Variants in ATP11A observed in about 807,000 individuals in gnomAD.
ATP11A encodes phospholipid-transporting ATPase IH.
ATP11A carries 81 observed loss-of-function variants against 154.4 expected under a neutral mutation model. That is an observed-to-expected ratio of 0.52 (90% CI 0.44 to 0.63). The LOEUF (loss-of-function observed/expected upper bound fraction) is 0.63, where lower values mean the gene tolerates loss of function less well. ATP11A is among the 30% of genes least tolerant of loss of function. The probability of loss-of-function intolerance (pLI) is 0.00; values close to 1 mark genes in which losing one functional copy is unlikely to be tolerated. For synonymous variants in ATP11A, 623 were observed against 585.9 expected (o/e 1.06, Z -0.91); for missense variants, 1,316 against 1,474.3 (o/e 0.89, Z 1.76).
At chr13:112,739,264 T>C (rs1387490473) in intron 1 of ATP11A, among the ~76,000 whole-genome samples, 1 of 152,310 alleles carries the variant, frequency 6.6e-6, no homozygotes, top group East Asian at 1.9e-4. Context: ...AAGAACTCTG[T>C]CAACTCATAA....
rs1486319384 is a variant in ATP11A at position 112,690,486 on chromosome 13, CG to C, written c.39+35del. 9 of 1,321,804 alleles carry C rather than the reference CG, an allele frequency of 6.8e-6. No individual in the cohort carries two copies. Among genetic ancestry groups the C allele is most frequent in the South Asian group, 4.7e-5 (2 of 42,932 alleles). The allele number at this position is 1,321,804 out of a possible 1,614,324, so 81.9% of individuals were successfully genotyped here. On this transcript the variant is annotated intron_variant, in intron 1 of 29. Coordinates refer to ENST00000375645, the MANE Select transcript of ATP11A (RefSeq NM_015205.3). This position sits in a 1 kb window ranked among gnomAD's most constrained non-coding sequence, Gnocchi z 5.6. ...TGCTCCCGGCGCGGGCTGGGGGACC[CG>C]GGGACCAGACAGACGCGGGCCGGCC...
intron 2 of ATP11A, among the ~76,000 whole-genome samples, chr13:112,790,033 C>T (rs1189253251): frequency 6.6e-6 from 1 of 151,266 alleles, no homozygotes; most frequent in Non-Finnish European, 1.5e-5. Flanking sequence ...GACCTGTAGA[C>T]CCCTGTGGCG....
chr13:112,718,914 C>T (rs933878700), intron 1 of ATP11A, among the ~76,000 whole-genome samples: 22 of 152,240 alleles, frequency 1.4e-4, no homozygotes, highest in African/African-American at 4.8e-4. Flanking sequence ...GTCTGACCTC[C>T]GGCTATCCAC....
chr13:112,713,822 G>A (rs1039540870), intron 1 of ATP11A, among the ~76,000 whole-genome samples: 38 of 151,886 alleles, frequency 2.5e-4, no homozygotes, highest in African/African-American at 9.0e-4. Flanking sequence ...CTGTCAGGAC[G>A]CAGGCAGGCA....
chr13:112,774,026 C>A (rs1488746399), intron 1 of ATP11A, among the ~76,000 whole-genome samples: 6 of 152,236 alleles, frequency 3.9e-5, no homozygotes. Flanking sequence ...CCCGCTGCCT[C>A]CCTGCTTCCC....
intron 29 of ATP11A, chr13:112,881,263 C>T (rs1026434647): frequency 7.1e-6 from 7 of 992,834 alleles, no homozygotes; most frequent in African/African-American, 1.7e-5. Flanking sequence ...CGTGCACATC[C>T]GGGGCCCCAG....
At chr13:112,738,628 C>T (rs1594483774) in intron 1 of ATP11A, among the ~76,000 whole-genome samples, 1 of 152,292 alleles carries the variant, frequency 6.6e-6, no homozygotes, top group South Asian at 2.1e-4. Flanking sequence ...CAAGCAGGAG[C>T]TTTCTGTGCT....
At chr13:112,781,549 C>T (rs2077499567) in intron 1 of ATP11A, among the ~76,000 whole-genome samples, 2 of 152,060 alleles carry the variant, frequency 1.3e-5, no homozygotes, top group Admixed American at 6.6e-5. Context: ...TTGACGGACG[C>T]GTGGTGTGAG....
chr13:112,705,387 G>GAGGGAAAC (rs1566355740), intron 1 of ATP11A, among the ~76,000 whole-genome samples: 10 of 152,140 alleles, frequency 6.6e-5, no homozygotes, highest in African/African-American at 2.4e-4. Context: ...GGGGTGCTCA[G>GAGGGAAAC]CAGTTGATGT....
chr13:112,880,579 G>A (rs755233305), intron 29 of ATP11A: 24 of 1,300,296 alleles, frequency 1.8e-5, no homozygotes, highest in South Asian at 8.6e-5. Flanking sequence ...AGTCCAGGCC[G>A]CACAGAGCAG....
intron 1 of ATP11A, among the ~76,000 whole-genome samples, chr13:112,735,809 A>G (rs1890940090): frequency 6.6e-6 from 1 of 152,232 alleles, no homozygotes; most frequent in African/African-American, 2.4e-5. Flanking sequence ...AAAGTTAAGC[A>G]GCGCACCAAA....
At chr13:112,842,936 G>T (rs561475953) in intron 17 of ATP11A, among the ~76,000 whole-genome samples, 1 of 152,368 alleles carries the variant, frequency 6.6e-6, no homozygotes, top group African/African-American at 2.4e-5. Flanking sequence ...GGGCTGCTGC[G>T]GTAGGGGGCC....
chr13:112,821,943 A>G (rs2078807181), intron 8 of ATP11A, among the ~76,000 whole-genome samples: 1 of 152,192 alleles, frequency 6.6e-6, no homozygotes. Context: ...CTCCATCTTT[A>G]GTGATTGCCG....
chr13:112,828,267 C>T (rs1313742652), intron 12 of ATP11A, among the ~76,000 whole-genome samples: 1 of 132,326 alleles, frequency 7.6e-6, no homozygotes, highest in Non-Finnish European at 1.5e-5. Context: ...GAGGAAAGCA[C>T]CCAGCAGTGT....
At chr13:112,873,447 G>A in intron 26 of ATP11A, 126 bp from the exon 27 acceptor site, 2 of 647,978 alleles carry the variant, frequency 3.1e-6, no homozygotes, top group Middle Eastern at 2.6e-4. Context: ...CAGGCATTGA[G>A]TCGTCATTGC....
At chr13:112,705,638 C>A (rs555274101) in intron 1 of ATP11A, among the ~76,000 whole-genome samples, 2 of 152,318 alleles carry the variant, frequency 1.3e-5, no homozygotes, top group African/African-American at 4.8e-5. Flanking sequence ...GGAAGCCCCC[C>A]AGGAGGGATG....
rs2079450388 is a variant in ATP11A at position 112,842,460 on chromosome 13, G to A, written c.1809+81G>A. ...GGAATTCCATGTTCCACAAGTTCCT[G>A]GCTGGGAATGGCGTATTGTATTCCT... On this transcript the variant is annotated intron_variant, in intron 17 of 29. Transcript: ENST00000375645. The A allele has an allele frequency of 3.9e-5, 40 of 1,029,950 alleles. 1 individual carries two copies. The South Asian group carries it at 5.3e-4, about 14-fold the overall frequency. 63.8% of individuals were successfully genotyped at this position (1,029,950 alleles called of 1,614,324 possible).
At chr13:112,780,495 G>C (rs926266184) in intron 1 of ATP11A, among the ~76,000 whole-genome samples, 8 of 152,330 alleles carry the variant, frequency 5.3e-5, no homozygotes, top group African/African-American at 1.7e-4. Flanking sequence ...GTGGGTGTCG[G>C]CGCTTCCTTC....
At chr13:112,856,464 T>C (rs1217058645) in intron 20 of ATP11A, 2 of 159,408 alleles carry the variant, frequency 1.3e-5, no homozygotes, top group East Asian at 3.6e-4. Flanking sequence ...TACGAATGCA[T>C]TTAGTCTCAA....
Sources: allele counts gnomAD v4.1 joint callset (sites outside exome capture counted in the v4.1 genomes callset), GRCh38; gene constraint gnomAD v4.1.1; non-coding constraint Gnocchi (gnomAD v3.1); transcripts MANE v1.5; gene names NCBI Gene and HGNC (gene_info 2026-07-23, HGNC 2026-07-21).